The following ZBBX variants were observed in gnomAD, a reference collection of about 807,000 sequenced individuals.
ZBBX encodes the protein zinc finger B-box domain containing.
ZBBX carries 101 observed loss-of-function variants against 108.5 expected under a neutral mutation model. The observed-to-expected ratio is 0.93, with a 90% CI of 0.79 to 1.10. The LOEUF (loss-of-function observed/expected upper bound fraction) is 1.10. ZBBX is among the 50% of genes least tolerant of loss of function. The pLI is 0.00. For missense variants in ZBBX, 1,009 were observed against 941.4 expected (o/e 1.07, Z -0.94); for synonymous variants, 356 against 323.4 (o/e 1.10, Z -1.08).
the ZBBX span, among the ~76,000 whole-genome samples, chr3:167,183,668 C>A: frequency 0.013 from 2,035 of 152,306 alleles, 22 homozygotes; most frequent in South Asian, 0.026. Context: ...AGTAATCCGC[C>A]ACAGGAACAT....
At chr3:167,374,581 C>T (rs1380201380) in intron 2 of ZBBX, among the ~76,000 whole-genome samples, 2 of 152,098 alleles carry the variant, frequency 1.3e-5, no homozygotes, top group Non-Finnish European at 2.9e-5. Context: ...TGCTCATAAC[C>T]ACAATAAACA....
Position 167,360,678 on chromosome 3 carries a change from G to C in ZBBX, c.319C>G (p.Gln107Glu). 1 of 1,376,416 alleles carries C rather than the reference G, an allele frequency of 7.3e-7. No homozygotes were observed. The highest frequency in any genetic ancestry group is 1.5e-5 in the African/African-American group (1 of 66,484). 85.3% of individuals were successfully genotyped at this position (1,376,416 alleles called of 1,614,324 possible). A position where few individuals can be genotyped will look rare whatever the true frequency, so the allele number is the denominator to read the frequency against. Reference sequence around the variant, plus strand: ...AACATGGTGATAAATTATTTACCTTGAATCTGTTCCTTCAGCAATTTTAAT... The same window carrying C: ...AACATGGTGATAAATTATTTACCTTCAATCTGTTCCTTCAGCAATTTTAAT... ...VKLKLLKEQI[Q>E]EPVKPTVNYK... Residue 107 changes from glutamine (Q) to glutamate (E), a missense_variant, in exon 7 of 22, where the codon CAA (glutamine) becomes GAA (glutamate). Transcript: ENST00000675490.
chr3:167,277,777 C>A lies in ZBBX; in HGVS notation c.2254+4461G>T, dbSNP rs58081835. Among the ~76,000 whole-genome samples, 358 of 152,270 alleles carry A rather than the reference C, an allele frequency of 2.4e-3. 6 individuals are homozygous for A. The East Asian group carries it at 0.047, about 20-fold the overall frequency. On this transcript the variant is annotated intron_variant, in intron 20 of 21. Coordinates refer to ENST00000675490, the MANE Select transcript of ZBBX (RefSeq NM_001199201.2). ...ATAGACATCTACAGAACTCTCTACCCCAAATCAACAGAATATACATTTTTT... is the reference window on the plus strand; with the variant it reads ...ATAGACATCTACAGAACTCTCTACCACAAATCAACAGAATATACATTTTTT...
chr3:167,314,780 C>G (rs1023101276), intron 15 of ZBBX, among the ~76,000 whole-genome samples: 1 of 152,074 alleles, frequency 6.6e-6, no homozygotes, highest in Non-Finnish European at 1.5e-5. Flanking sequence ...AAAACTACTG[C>G]CAAATCATGA....
chr3:167,216,330 C>T, the ZBBX span, among the ~76,000 whole-genome samples: 2 of 151,944 alleles, frequency 1.3e-5, no homozygotes, highest in East Asian at 1.9e-4. Context: ...CTATACACCA[C>T]CGACAACCAA....
At chr3:167,254,753 C>T (rs1399898549) in intron 20 of ZBBX, among the ~76,000 whole-genome samples, 2 of 151,662 alleles carry the variant, frequency 1.3e-5, no homozygotes, top group African/African-American at 4.8e-5. Flanking sequence ...GAGAGAGAAC[C>T]CTGTGTTTAA....
intron 5 of ZBBX, among the ~76,000 whole-genome samples, chr3:167,366,292 T>C (rs1171210492): frequency 6.6e-6 from 1 of 151,836 alleles, no homozygotes; most frequent in East Asian, 1.9e-4. Context: ...TTTACAGGTC[T>C]TTATGAAATT....
rs1747522384 is a variant in ZBBX, at chr3:167,379,748, T to TCA, written c.-244_-243dup. ...AGCCCTTACTTGTGAGGAGTAGACT[T>TCA]CAAGAAGTAAGTGGGTGCATGTGAA... On this transcript the variant is annotated 5_prime_UTR_variant, in exon 2 of 22. It removes the in-frame stop codon of an upstream open reading frame in the 5' UTR. Coordinates refer to ENST00000675490, the MANE Select transcript of ZBBX (RefSeq NM_001199201.2). 6.6e-6 allele frequency: 1 copy of TCA among 152,106 alleles called. No homozygotes were observed. The highest frequency in any genetic ancestry group is 2.1e-4 in the South Asian group (1 of 4,818). The allele number at this position is 152,106 out of a possible 1,614,324, so 9.4% of individuals were successfully genotyped here.
At position 167,305,907 on chromosome 3, in the gene ZBBX, A is replaced by C; in HGVS notation, c.1461T>G (p.Asp487Glu). The C allele has an allele frequency of 1.3e-6, 2 of 1,592,378 alleles. No individual in the cohort carries two copies. The highest frequency in any genetic ancestry group is 1.2e-5 in the South Asian group (1 of 86,042). Residue 487 changes from aspartate to glutamate, a missense_variant, in exon 17 of 22, where the codon GAT (aspartate) becomes GAG (glutamate). By Grantham distance (45) the Asp-to-Glu change is conservative (BLOSUM62 2). Coordinates refer to ENST00000675490, the MANE Select transcript of ZBBX (RefSeq NM_001199201.2). ...TTTTTTCAATGTCAGAAGAATACAC[A>C]TCAGGATCCACGATGTTGTCAAAAT... is the stretch of plus-strand genomic sequence containing the variant. ...NTDFDNIVDP[D>E]VYSSDIEKIE...
intron 1 of ZBBX, among the ~76,000 whole-genome samples, chr3:167,397,726 C>T (rs1040078332): frequency 1.3e-5 from 2 of 151,462 alleles, no homozygotes; most frequent in Non-Finnish European, 2.9e-5. Context: ...AACAAATCAT[C>T]TTTAGAAGAA....
chr3:167,274,921 C>T (rs899720560), intron 20 of ZBBX, among the ~76,000 whole-genome samples: 1 of 152,148 alleles, frequency 6.6e-6, no homozygotes, highest in African/African-American at 2.4e-5. Flanking sequence ...CCTTGTTTGA[C>T]ACAAGTGGCA....
At chr3:167,261,560 G>T (rs1334043797) in intron 20 of ZBBX, among the ~76,000 whole-genome samples, 3 of 151,884 alleles carry the variant, frequency 2.0e-5, no homozygotes, top group Non-Finnish European at 4.4e-5. Flanking sequence ...TGTGTACCTA[G>T]AAGGATTATG....
intron 9 of ZBBX, among the ~76,000 whole-genome samples, chr3:167,341,216 A>G (rs1353608153): frequency 6.6e-6 from 1 of 151,908 alleles, no homozygotes; most frequent in African/African-American, 2.4e-5. Flanking sequence ...GAGTGGCAAA[A>G]AAAGCAAAGA....
At chr3:167,319,881 A>G (rs2108310276) in intron 12 of ZBBX, among the ~76,000 whole-genome samples, 1 of 152,078 alleles carries the variant, frequency 6.6e-6, no homozygotes, top group Non-Finnish European at 1.5e-5. Context: ...GCAAAGGGAG[A>G]ATGGAAATGA....
intron 12 of ZBBX, among the ~76,000 whole-genome samples, chr3:167,321,819 T>G (rs1736493591): frequency 6.6e-6 from 1 of 152,016 alleles, no homozygotes; most frequent in East Asian, 1.9e-4. Context: ...AAAGTAATAT[T>G]TCATTTATCA....
intron 19 of ZBBX, among the ~76,000 whole-genome samples, chr3:167,284,186 C>CTATATA (rs772993912): frequency 1.8e-4 from 22 of 121,014 alleles, no homozygotes; most frequent in African/African-American, 7.3e-4. Flanking sequence ...AAACATATAT[C>CTATATA]TATATCTATA....
At chr3:167,358,651 T>C (rs1254520453) in intron 8 of ZBBX, among the ~76,000 whole-genome samples, 2 of 151,980 alleles carry the variant, frequency 1.3e-5, no homozygotes, top group African/African-American at 4.8e-5. Context: ...AGAGAGGATA[T>C]ATAGTCTAGG....
intron 20 of ZBBX, among the ~76,000 whole-genome samples, chr3:167,247,061 C>T (rs59293418): frequency 4.6e-5 from 7 of 152,244 alleles, no homozygotes; most frequent in African/African-American, 1.4e-4. Flanking sequence ...CACCACAGAC[C>T]GAGGTGAGGA....
chr3:167,383,815 A>G (rs1747821405), upstream of ZBBX, among the ~76,000 whole-genome samples: 1 of 152,118 alleles, frequency 6.6e-6, no homozygotes, highest in Non-Finnish European at 1.5e-5. Context: ...GATAGGTACA[A>G]AGGTGAACAA....
Sources: gnomAD v4.1 joint callset for allele counts (sites outside exome capture counted in the v4.1 genomes callset) on GRCh38, gnomAD v4.1.1 for gene constraint, MANE v1.5 for transcripts, NCBI Gene and HGNC (gene_info 2026-07-23, HGNC 2026-07-21) for gene names.